RHOD: variants seen among roughly 807,000 people sequenced by gnomAD.
The protein encoded by RHOD is ras homolog family member D.
A neutral mutation model predicts 16.7 loss-of-function variants in RHOD; 11 were observed. That is an observed-to-expected ratio of 0.66 (90% CI 0.41 to 1.09). The LOEUF is 1.09. Ranked by LOEUF, RHOD falls within the 50% of genes least tolerant of loss-of-function variation. The probability of loss-of-function intolerance (pLI) is 0.00; values close to 1 mark genes in which losing one functional copy is unlikely to be tolerated. For synonymous variants in RHOD, 124 were observed against 126.3 expected (o/e 0.98, Z 0.12); for missense variants, 271 against 291.7 (o/e 0.93, Z 0.52).
chr11:67,066,984 G>A (rs1854967001), intron 3 of RHOD, 137 bp downstream of exon 3: 3 of 681,358 alleles, frequency 4.4e-6, no homozygotes, highest in South Asian at 1.6e-5. Flanking sequence ...GTGTATATAT[G>A]GGGAAACTGA....
At position 67,071,841 on chromosome 11, in the gene RHOD, C is replaced by T. The variant is rs899593776; in HGVS notation, c.*239C>T. 3.3e-5 allele frequency: 15 copies of T among 457,732 alleles called. No homozygotes were observed. Among genetic ancestry groups the T allele is most frequent in the African/African-American group, 8.1e-5 (4 of 49,374 alleles). The allele number at this position is 457,732 out of a possible 1,614,324, so 28.4% of individuals were successfully genotyped here. On this transcript the variant is annotated 3_prime_UTR_variant, in exon 5 of 5. Transcript: ENST00000308831. ...CGAGAATCACTCGCTAACCCCTATG[C>T]CCGGTCCCGGACCGACATCCTGGAG...
chr11:67,064,866 T>A (rs1401357828), intron 1 of RHOD, among the ~76,000 whole-genome samples: 1 of 151,790 alleles, frequency 6.6e-6, no homozygotes, highest in Non-Finnish European at 1.5e-5. Context: ...CTGTGGTGCC[T>A]GTGAATAGCT....
chr11:67,070,187 G>A (rs770653077), intron 3 of RHOD: 9 of 593,292 alleles, frequency 1.5e-5, no homozygotes, highest in East Asian at 7.2e-5. Context: ...CTCAGTTACC[G>A]CACCTGTACA....
At chr11:67,057,821 G>C (rs879283958) in intron 1 of RHOD, among the ~76,000 whole-genome samples, 1 of 152,186 alleles carries the variant, frequency 6.6e-6, no homozygotes, top group Non-Finnish European at 1.5e-5. Context: ...GGCAGCTCCC[G>C]TGCGGTAGCT....
intron 1 of RHOD, among the ~76,000 whole-genome samples, chr11:67,064,404 C>CA (rs551453728): frequency 0.018 from 1,093 of 60,816 alleles, 15 homozygotes; most frequent in African/African-American, 0.054. Flanking sequence ...GACTCCCTCT[C>CA]AAAAAAAAAA....
chr11:67,065,180 A>G (rs541907089), intron 1 of RHOD, among the ~76,000 whole-genome samples: 131 of 151,720 alleles, frequency 8.6e-4, no homozygotes, highest in African/African-American at 3.1e-3. Context: ...GGTTCAAGCT[A>G]TTCCCCTGCC....
At position 67,071,835 on chromosome 11, in the gene RHOD, C is replaced by G; in HGVS notation, c.*233C>G. Reference sequence around the variant, plus strand: ...GGTGCCCGAGAATCACTCGCTAACCCCTATGCCCGGTCCCGGACCGACATC... The same window carrying G: ...GGTGCCCGAGAATCACTCGCTAACCGCTATGCCCGGTCCCGGACCGACATC... On this transcript the variant is annotated 3_prime_UTR_variant, in exon 5 of 5. Transcript: ENST00000308831. The G allele has an allele frequency of 2.1e-6, 1 of 467,640 alleles. No individual in the cohort carries two copies. The highest frequency in any genetic ancestry group is 3.7e-6 in the Non-Finnish European group (1 of 267,618). The allele number at this position is 467,640 out of a possible 1,614,324, so 29.0% of individuals were successfully genotyped here.
rs766335862 is a variant in RHOD, at chr11:67,066,796, G to C, written c.279G>C (p.Leu93=). The C allele has an allele frequency of 4.3e-6, 7 of 1,613,976 alleles. No homozygotes were observed. In the African/African-American group the frequency reaches 8.0e-5, roughly 18 times the overall value. ...PLFYPDASVL[L]LCFDVTSPNS... ...TCTACCCTGACGCCAGCGTCCTGCT[G>C]CTTTGCTTCGATGTCACCAGCCCGA... Residue 93 remains leucine (L), a synonymous_variant, in exon 3 of 5, where the codon CTG becomes CTC. Coordinates refer to ENST00000308831, the MANE Select transcript of RHOD (RefSeq NM_014578.4).
At chr11:67,064,275 G>A (rs994160795) in intron 1 of RHOD, among the ~76,000 whole-genome samples, 2 of 147,928 alleles carry the variant, frequency 1.4e-5, no homozygotes, top group Non-Finnish European at 3.0e-5. Context: ...GCGTGGTGGC[G>A]GGCGCCTGTA....
At chr11:67,067,544 T>G (rs941598705) in intron 3 of RHOD, among the ~76,000 whole-genome samples, 2 of 152,298 alleles carry the variant, frequency 1.3e-5, no homozygotes, top group Non-Finnish European at 2.9e-5. Context: ...TACACATCTA[T>G]TAAAGTGGTA....
At chr11:67,064,943 C>G (rs980973771) in intron 1 of RHOD, among the ~76,000 whole-genome samples, 1 of 152,152 alleles carries the variant, frequency 6.6e-6, no homozygotes, top group Non-Finnish European at 1.5e-5. Context: ...CGGGAGTCCC[C>G]TGCCCCCATC....
chr11:67,059,102 T>A (rs1165566959), intron 1 of RHOD, among the ~76,000 whole-genome samples: 1 of 152,064 alleles, frequency 6.6e-6, no homozygotes, highest in South Asian at 2.1e-4. Context: ...TGATAAGATG[T>A]GAATGCTTTG....
rs1274852340 is a variant in RHOD at position 67,061,842 on chromosome 11, G to GTA, written c.133-4053_133-4052insAT. Among the ~76,000 whole-genome samples, 913 of 141,234 alleles carry GTA rather than the reference G, an allele frequency of 6.5e-3. 18 individuals are homozygous for GTA. The highest frequency in any genetic ancestry group is 0.016 in the African/African-American group (588 of 37,326). The allele number at this position is 141,234 out of a possible 152,430, so 92.7% of individuals were successfully genotyped here. The stretch of plus-strand genomic sequence containing the variant: ...TATATGTGTGTGTGTGTGTGTGTGT[G>GTA]TGTATATATATATTAGCCAGGCGTG... On this transcript the variant is annotated intron_variant, in intron 1 of 4. Transcript: ENST00000308831.
At chr11:67,058,422 C>T (rs1266406150) in intron 1 of RHOD, among the ~76,000 whole-genome samples, 2 of 152,174 alleles carry the variant, frequency 1.3e-5, no homozygotes, top group Non-Finnish European at 2.9e-5. Context: ...GTGATCCGCC[C>T]ACCTTGGCCT....
At chr11:67,061,792 A>ATATATATATATGTGTGTG (rs1386774382) in intron 1 of RHOD, among the ~76,000 whole-genome samples, 30 of 127,044 alleles carry the variant, frequency 2.4e-4, no homozygotes, top group Non-Finnish European at 4.5e-4. Flanking sequence ...GTGTGTGTGT[A>ATATATATATATGTGTGTG]TATATATATA....
At chr11:67,068,797 A>T (rs1854990084) in intron 3 of RHOD, among the ~76,000 whole-genome samples, 1 of 151,406 alleles carries the variant, frequency 6.6e-6, no homozygotes, top group Non-Finnish European at 1.5e-5. Flanking sequence ...ACAGAGCGGG[A>T]CTGTCTCAAA....
intron 2 of RHOD, 112 bp downstream of exon 2, chr11:67,066,095 G>A: frequency 5.8e-6 from 5 of 854,944 alleles, no homozygotes; most frequent in South Asian, 1.6e-5. Context: ...AGTCTCCAAG[G>A]GACAGGTGTG....
At chr11:67,060,362 C>A (rs755438189) in intron 1 of RHOD, among the ~76,000 whole-genome samples, 19 of 152,246 alleles carry the variant, frequency 1.2e-4, no homozygotes, top group Non-Finnish European at 2.2e-4. Context: ...TGGCTGAGGA[C>A]GGCTTAACAG....
intron 3 of RHOD, among the ~76,000 whole-genome samples, chr11:67,069,853 C>T (rs919477637): frequency 2.6e-5 from 4 of 151,790 alleles, no homozygotes; most frequent in African/African-American, 9.7e-5. Flanking sequence ...CCATCATGCC[C>T]ACCTAAATTT....
Sources: gnomAD v4.1 joint callset for allele counts (sites outside exome capture counted in the v4.1 genomes callset) on GRCh38, gnomAD v4.1.1 for gene constraint, MANE v1.5 for transcripts, NCBI Gene and HGNC (gene_info 2026-07-23, HGNC 2026-07-21) for gene names.